FREM2: variants seen among roughly 807,000 people sequenced by gnomAD.
FREM2 encodes the protein FRAS1-related extracellular matrix protein 2.
A neutral mutation model predicts 219.9 loss-of-function variants in FREM2; 119 were observed. The observed-to-expected ratio is 0.54, with a 90% confidence interval of 0.47 to 0.63. The LOEUF is 0.63. Ranked by LOEUF, FREM2 falls within the 30% of genes least tolerant of loss-of-function variation. The pLI, the probability that FREM2 is intolerant of heterozygous loss-of-function variation, is 0.00. For synonymous variants in FREM2, 1,562 were observed against 1,522.8 expected (o/e 1.03, Z -0.60); for missense variants, 4,030 against 3,993.6 (o/e 1.01, Z -0.25).
intron 6 of FREM2, among the ~76,000 whole-genome samples, chr13:38,817,785 A>C (rs7338342): frequency 0.013 from 1,942 of 152,278 alleles, 35 homozygotes; most frequent in African/African-American, 0.044. Context: ...ACAGAATGGG[A>C]GAAAATATTT....
chr13:38,689,791 G>A lies in FREM2; in HGVS notation c.2447G>A (p.Gly816Asp). Residue 816 changes from glycine to aspartate, a missense_variant, in exon 1 of 24, where the codon GGT becomes GAT. Gly to Asp is a moderately conservative substitution (Grantham distance 94). This residue lies in a region of FREM2 where 3,102 missense variants were observed against 2,950.7 expected (regional missense o/e 1.05). Coordinates refer to ENST00000280481, the MANE Select transcript of FREM2 (RefSeq NM_207361.6). ...VEDRAGNVAP[G>D]TFTLYLHPVD... Reference sequence around the variant, plus strand: ...GACCGAGCTGGGAATGTGGCTCCAGGTACCTTTACCCTTTACTTGCATCCC... The same window carrying A: ...GACCGAGCTGGGAATGTGGCTCCAGATACCTTTACCCTTTACTTGCATCCC... 1 of 1,613,826 alleles carries A rather than the reference G, an allele frequency of 6.2e-7. No individual in the cohort carries two copies.
chr13:38,708,265 T>C (rs1171024464), intron 2 of FREM2, among the ~76,000 whole-genome samples: 1 of 152,176 alleles, frequency 6.6e-6, no homozygotes, highest in African/African-American at 2.4e-5. Flanking sequence ...AAGGAAAATA[T>C]TTCTTCCAGT....
chr13:38,723,036 G>C (rs903215117), intron 2 of FREM2, among the ~76,000 whole-genome samples: 1 of 151,974 alleles, frequency 6.6e-6, no homozygotes, highest in African/African-American at 2.4e-5. Context: ...TTCGAGGCCA[G>C]CCTGGTCAAC....
At chr13:38,856,087 A>C (rs377374185) in intron 11 of FREM2, 39 bp from the exon 12 acceptor site, 2 of 1,466,496 alleles carry the variant, frequency 1.4e-6, no homozygotes, top group Non-Finnish European at 1.9e-6. Flanking sequence ...TCTCATATTC[A>C]TATGCAAATG....
chr13:38,841,110 T>G (rs368997596), intron 6 of FREM2, among the ~76,000 whole-genome samples: 2 of 152,254 alleles, frequency 1.3e-5, no homozygotes, highest in African/African-American at 4.8e-5. Flanking sequence ...AATCCTTAAT[T>G]TCCTTATCTG....
chr13:38,702,397 G>A (rs1249268417), intron 2 of FREM2, among the ~76,000 whole-genome samples: 1 of 152,118 alleles, frequency 6.6e-6, no homozygotes, highest in Admixed American at 6.6e-5. Flanking sequence ...TTTCAAGCCA[G>A]CAGCACCACT....
chr13:38,723,231 C>G (rs1871369084), intron 2 of FREM2, among the ~76,000 whole-genome samples: 1 of 151,264 alleles, frequency 6.6e-6, no homozygotes, highest in South Asian at 2.1e-4. Flanking sequence ...CATGCGCCAT[C>G]TTAAAAAAAT....
intron 2 of FREM2, among the ~76,000 whole-genome samples, chr13:38,722,877 A>T (rs947384364): frequency 1.3e-5 from 2 of 152,252 alleles, no homozygotes; most frequent in African/African-American, 4.8e-5. Flanking sequence ...AACCTGTTGA[A>T]GAGTTTTGCA....
At chr13:38,707,553 A>T (rs978791396) in intron 2 of FREM2, among the ~76,000 whole-genome samples, 16 of 152,210 alleles carry the variant, frequency 1.1e-4, no homozygotes, top group Middle Eastern at 3.4e-3. Flanking sequence ...CCTCTGCTGG[A>T]TTTTTTAGCA....
At chr13:38,760,714 T>C (rs1320311183) in intron 2 of FREM2, among the ~76,000 whole-genome samples, 1 of 152,188 alleles carries the variant, frequency 6.6e-6, no homozygotes, top group East Asian at 1.9e-4. Flanking sequence ...ACCACTAAAC[T>C]TTCAGCCAAG....
intron 2 of FREM2, among the ~76,000 whole-genome samples, chr13:38,759,976 G>C (rs1213605899): frequency 1.3e-5 from 2 of 152,138 alleles, no homozygotes; most frequent in African/African-American, 4.8e-5. Flanking sequence ...GTTACAGCTT[G>C]GTTCCTCAAA....
intron 1 of FREM2, among the ~76,000 whole-genome samples, chr13:38,697,097 G>C (rs915678169): frequency 6.6e-6 from 1 of 152,128 alleles, no homozygotes; most frequent in Non-Finnish European, 1.5e-5. Flanking sequence ...ACCGTGTCCA[G>C]CCCGTTTCCA....
intron 2 of FREM2, among the ~76,000 whole-genome samples, chr13:38,752,545 C>T (rs769483220): frequency 9.2e-5 from 14 of 152,170 alleles, no homozygotes; most frequent in Non-Finnish European, 1.8e-4. Flanking sequence ...TCCCACCCCA[C>T]TCTAATCTCT....
intron 1 of FREM2, among the ~76,000 whole-genome samples, chr13:38,695,800 A>G (rs1024271518): frequency 1.4e-4 from 21 of 152,202 alleles, no homozygotes; most frequent in African/African-American, 5.1e-4. Flanking sequence ...CATACATGCA[A>G]AGGTAGAGAT....
intron 2 of FREM2, among the ~76,000 whole-genome samples, chr13:38,712,641 T>TTC (rs1415080103): frequency 6.1e-4 from 68 of 111,174 alleles, no homozygotes; most frequent in African/African-American, 1.8e-3. Flanking sequence ...TACTCTCTCT[T>TTC]TCTCTCTCTC....
At chr13:38,713,958 G>T (rs1870881109) in intron 2 of FREM2, among the ~76,000 whole-genome samples, 1 of 152,198 alleles carries the variant, frequency 6.6e-6, no homozygotes, top group Admixed American at 6.5e-5. Context: ...CAATGTAGGA[G>T]ACAGCCTCCA....
At chr13:38,693,096 A>C (rs995945269) in intron 1 of FREM2, among the ~76,000 whole-genome samples, 10 of 152,224 alleles carry the variant, frequency 6.6e-5, no homozygotes, top group African/African-American at 2.4e-4. Flanking sequence ...ATAATATTTC[A>C]TGACAGGCAA....
rs571407452 is a variant in FREM2, at chr13:38,870,126, T to C, written c.7984-2616T>C. On this transcript the variant is annotated intron_variant, in intron 16 of 23. Coordinates refer to ENST00000280481, the MANE Select transcript of FREM2 (RefSeq NM_207361.6). Reference sequence around the variant, plus strand: ...TTGCTTTAGGGAATAATTATGCCTCTTTTTTACTATGTATTTGATTTAGAT... The same window carrying C: ...TTGCTTTAGGGAATAATTATGCCTCCTTTTTACTATGTATTTGATTTAGAT... 2.0e-5 allele frequency among the ~76,000 whole-genome samples: 3 copies of C among 152,330 alleles called. No individual in the cohort carries two copies. The South Asian group carries it at 6.2e-4, about 32-fold the overall frequency.
At chr13:38,847,054 T>A (rs61948018) in intron 7 of FREM2, among the ~76,000 whole-genome samples, 18,771 of 152,090 alleles carry the variant, frequency 0.12, 1,396 homozygotes, top group Admixed American at 0.21. Flanking sequence ...AAAATCATCT[T>A]ACTGCACATA....
Sources: gnomAD v4.1 joint callset for allele counts (sites outside exome capture counted in the v4.1 genomes callset) on GRCh38, gnomAD v4.1.1 for gene constraint, gnomAD v4.1.1 regional missense constraint, MANE v1.5 for transcripts, NCBI Gene and HGNC (gene_info 2026-07-23, HGNC 2026-07-21) for gene names.